ZBTB46: variants seen among roughly 807,000 people sequenced by gnomAD.
ZBTB46 encodes the protein zinc finger and BTB domain-containing protein 46.
ZBTB46 carries 8 observed loss-of-function variants against 44.1 expected under a neutral mutation model. The ratio of observed to expected loss-of-function variants is 0.18; its 90% CI spans 0.11 to 0.33. The LOEUF (loss-of-function observed/expected upper bound fraction) is 0.33, where lower values mean the gene tolerates loss of function less well. ZBTB46 is among the 10% of genes least tolerant of loss of function. The pLI is 1.00. For missense variants in ZBTB46, 651 were observed against 847.7 expected, an observed-to-expected ratio of 0.77 and a Z score of 2.88; for synonymous variants, 409 against 382.3, an observed-to-expected ratio of 1.07 and a Z score of -0.81.
chr20:63,771,722 C>T (rs2092376051), intron 3 of ZBTB46, among the ~76,000 whole-genome samples: 1 of 152,246 alleles, frequency 6.6e-6, no homozygotes, highest in African/African-American at 2.4e-5. Context: ...ACGGGACCAC[C>T]TGTCGGGGAC....
At position 63,767,418 on chromosome 20, in the gene ZBTB46, G is replaced by A. The variant is rs2092329585; in HGVS notation, c.1222+8260C>T. 6.6e-6 allele frequency among the ~76,000 whole-genome samples: 1 copy of A among 152,058 alleles called. No individual in the cohort carries two copies. Among genetic ancestry groups the A allele is most frequent in the Non-Finnish European group, 1.5e-5 (1 of 67,996 alleles). On this transcript the variant is annotated intron_variant, in intron 3 of 4. Transcript: ENST00000245663. This position sits in a 1 kb window ranked among gnomAD's most constrained non-coding sequence, Gnocchi z 5.0. ...CTTCACCTGGCAGCAGCCGGCAGAG[G>A]ACTCGAGAAATGACCACAGAAAGGC...
intron 1 of ZBTB46, among the ~76,000 whole-genome samples, chr20:63,825,949 G>A (rs546243111): frequency 6.6e-6 from 1 of 152,316 alleles, no homozygotes; most frequent in South Asian, 2.1e-4. Flanking sequence ...CCAGAGTAAC[G>A]TGGGCCACGC....
rs943560546 is a variant in ZBTB46, at chr20:63,763,972, C to T, written c.1223-11111G>A. ...ATCTGGTGCTTTCTTTTTTCTTTTT[C>T]TTTTTTTTTTAAATAAGAGACGGCC... On this transcript the variant is annotated intron_variant, in intron 3 of 4. Coordinates refer to ENST00000245663, the MANE Select transcript of ZBTB46 (RefSeq NM_001369741.1). Among the ~76,000 whole-genome samples, 4 of 148,846 alleles carry T rather than the reference C, an allele frequency of 2.7e-5. No individual in the cohort carries two copies. In the East Asian group the frequency reaches 5.9e-4, roughly 22 times the overall value.
At chr20:63,810,241 C>G (rs1424430413) in intron 1 of ZBTB46, among the ~76,000 whole-genome samples, 1 of 152,122 alleles carries the variant, frequency 6.6e-6, no homozygotes, top group African/African-American at 2.4e-5. Flanking sequence ...CCCAAACACT[C>G]GACAATTCGA....
At chr20:63,831,509 C>G (rs1440665392), upstream of ZBTB46, among the ~76,000 whole-genome samples, 4 of 147,190 alleles carry the variant, frequency 2.7e-5, no homozygotes, top group Admixed American at 6.7e-5. Context: ...GTTCTCCCCC[C>G]CGCGGGCAGC....
At chr20:63,749,462 A>G (rs561286854) in intron 4 of ZBTB46, among the ~76,000 whole-genome samples, 3 of 151,912 alleles carry the variant, frequency 2.0e-5, no homozygotes, top group South Asian at 2.1e-4. Context: ...TCAGCCTCCC[A>G]AGTAGCTGGG....
At chr20:63,769,008 G>A (rs574438496) in intron 3 of ZBTB46, among the ~76,000 whole-genome samples, 2 of 152,260 alleles carry the variant, frequency 1.3e-5, no homozygotes, top group Non-Finnish European at 2.9e-5. Flanking sequence ...TGCTGTGGGA[G>A]TGGAACAATT....
At chr20:63,826,684 C>T (rs536787348) in intron 1 of ZBTB46, among the ~76,000 whole-genome samples, 69 of 152,326 alleles carry the variant, frequency 4.5e-4, no homozygotes, top group Non-Finnish European at 7.9e-4. Context: ...GACATCGCGC[C>T]GCTGCACTCC....
intron 1 of ZBTB46, among the ~76,000 whole-genome samples, chr20:63,806,007 T>A (rs1366253968): frequency 6.8e-6 from 1 of 147,788 alleles, no homozygotes; most frequent in Non-Finnish European, 1.5e-5. Flanking sequence ...ACTCCTGACC[T>A]CAGGTGCTCT....
At chr20:63,811,139 A>C (rs1263235540) in intron 1 of ZBTB46, among the ~76,000 whole-genome samples, 2 of 148,188 alleles carry the variant, frequency 1.3e-5, no homozygotes, top group African/African-American at 5.0e-5. Context: ...CAGCCCACAG[A>C]GGCGAGTCTG....
rs1568871268 is a variant in ZBTB46 at position 63,790,036 on chromosome 20, C to G, written c.722G>C (p.Ser241Thr). The change falls in exon 2 of 5, where the codon AGC becomes ACC. Residue 241 changes from serine (S) to threonine (T), a missense_variant. Ser to Thr is a moderately conservative substitution (Grantham distance 58). Coordinates refer to ENST00000245663, the MANE Select transcript of ZBTB46 (RefSeq NM_001369741.1). ...ACCGTCCTTGGCAGAAGGCAGCTCG[C>G]TCCCTCCGTACTGAGACGGTGAAAC... Reference protein sequence around the residue: ...EQVSPSQYGGSELPSAKDGAV... With the variant: ...EQVSPSQYGGTELPSAKDGAV... The G allele has an allele frequency of 6.2e-7, 1 of 1,614,002 alleles. No homozygotes were observed. The highest frequency in any genetic ancestry group is 8.5e-7 in the Non-Finnish European group (1 of 1,179,908).
At chr20:63,796,697 C>A (rs1292070402) in intron 1 of ZBTB46, among the ~76,000 whole-genome samples, 1 of 151,954 alleles carries the variant, frequency 6.6e-6, no homozygotes, top group Middle Eastern at 3.4e-3. Flanking sequence ...TGATGGCAGG[C>A]GCCTGTAATC....
rs767054579 is a variant in ZBTB46 at position 63,762,677 on chromosome 20, CA to C, written c.1223-9817del. On this transcript the variant is annotated intron_variant, in intron 3 of 4. Transcript: ENST00000245663. ...AAAAACAAACAAACAAACAAACAAA[CA>C]AAAAAAAAACCAACTGAGCTGTTAG... is the stretch of plus-strand genomic sequence containing the variant. Among the ~76,000 whole-genome samples the C allele has an allele frequency of 2.8e-3, 290 of 104,548 alleles. 2 individuals carry two copies. The highest frequency in any genetic ancestry group is 4.3e-3 in the Non-Finnish European group (217 of 51,024). The allele number at this position is 104,548 out of a possible 152,430, so 68.6% of individuals were successfully genotyped here. A position where few individuals can be genotyped will look rare whatever the true frequency, so the allele number is the denominator to read the frequency against.
intron 3 of ZBTB46, chr20:63,769,107 A>T (rs1159830619): frequency 4.0e-6 from 3 of 756,008 alleles, no homozygotes; most frequent in Non-Finnish European, 4.8e-6. Flanking sequence ...GGGCACATGG[A>T]GAGCAGGTGC....
intron 1 of ZBTB46, among the ~76,000 whole-genome samples, chr20:63,821,299 C>T (rs2092790954): frequency 6.6e-6 from 1 of 151,912 alleles, no homozygotes; most frequent in Non-Finnish European, 1.5e-5. Flanking sequence ...GCCTGAGCCC[C>T]TGTGCCTGGC....
At position 63,767,866 on chromosome 20, in the gene ZBTB46, T is replaced by A; in HGVS notation, c.1222+7812A>T. 2.0e-6 allele frequency: 2 copies of A among 984,840 alleles called. No individual in the cohort carries two copies. Among genetic ancestry groups the A allele is most frequent in the Non-Finnish European group, 2.4e-6 (2 of 829,446 alleles). 61.0% of individuals were successfully genotyped at this position (984,840 alleles called of 1,614,324 possible). On this transcript the variant is annotated intron_variant, in intron 3 of 4. Transcript: ENST00000245663. This position sits in a 1 kb window ranked among gnomAD's most constrained non-coding sequence, Gnocchi z 5.0. ...ATCCAGGCCTGGGCTGGAAGAAGAC[T>A]CCTCAGGCATCCTGGACAGGCCACA...
chr20:63,754,495 C>T (rs1387214822), intron 3 of ZBTB46, among the ~76,000 whole-genome samples: 1 of 152,154 alleles, frequency 6.6e-6, no homozygotes, highest in East Asian at 1.9e-4. Flanking sequence ...GAGGTCTCGC[C>T]ATGTTGCCCA....
chr20:63,790,945 C>CTG, intron 1 of ZBTB46, 155 bp from the exon 2 acceptor site: 2 of 1,105,704 alleles, frequency 1.8e-6, no homozygotes, highest in Non-Finnish European at 2.5e-6. Flanking sequence ...AGCGGGAGGC[C>CTG]TGTGTCTCCG....
chr20:63,746,907 A>C lies in ZBTB46; in HGVS notation c.*23T>G. On this transcript the variant is annotated 3_prime_UTR_variant, in exon 5 of 5. Coordinates refer to ENST00000245663, the MANE Select transcript of ZBTB46 (RefSeq NM_001369741.1). ...CACGGGTGGACGGAGCGAGGCAGCC[A>C]CCGACCCTGCCGGCGGGCGGGCCTA... 1.3e-6 allele frequency: 2 copies of C among 1,504,062 alleles called. No homozygotes were observed. The highest frequency in any genetic ancestry group is 2.6e-5 in the South Asian group (2 of 76,420). 93.2% of individuals were successfully genotyped at this position (1,504,062 alleles called of 1,614,324 possible).
Sources: allele counts gnomAD v4.1 joint callset (sites outside exome capture counted in the v4.1 genomes callset), GRCh38; gene constraint gnomAD v4.1.1; non-coding constraint Gnocchi (gnomAD v3.1); transcripts MANE v1.5; gene names NCBI Gene and HGNC (gene_info 2026-07-23, HGNC 2026-07-21).